Variants in TTI2 observed in about 807,000 individuals in gnomAD.
TTI2 encodes TELO2 interacting protein 2.
TTI2 carries 26 observed loss-of-function variants against 44.9 expected under a neutral mutation model. The observed-to-expected ratio is 0.58, with a 90% confidence interval of 0.42 to 0.80. The LOEUF (loss-of-function observed/expected upper bound fraction) is 0.80, where lower values mean the gene tolerates loss of function less well. TTI2 is among the 30% of genes least tolerant of loss of function. The pLI is 0.00. For missense variants in TTI2, 582 were observed against 611.6 expected (o/e 0.95, Z 0.51); for synonymous variants, 254 against 250.9 (o/e 1.01, Z -0.12).
chr8:33,504,087 CT>C, intron 4 of TTI2, 152 bp from the exon 5 acceptor site: 1 of 808,252 alleles, frequency 1.2e-6, no homozygotes, highest in Non-Finnish European at 2.0e-6. Flanking sequence ...CTGCACATTA[CT>C]TTACATTTTC....
chr8:33,512,734 CAGAG>C (rs200939948), intron 1 of TTI2, 22 bp from the exon 2 acceptor site: 85 of 1,184,268 alleles, frequency 7.2e-5, no homozygotes, highest in Non-Finnish European at 8.8e-5. Context: ...TAAAATAAAA[CAGAG>C]AGATGTCTTG....
Position 33,499,222 on chromosome 8 carries a change from A to G in TTI2, c.1478T>C (p.Ile493Thr). 6.2e-7 allele frequency: 1 copy of G among 1,614,022 alleles called. No homozygotes were observed. The highest frequency in any genetic ancestry group is 8.5e-7 in the Non-Finnish European group (1 of 1,180,008). ...TTCAGAAACCTGCTGCACTTTTCTG[A>G]TATAGTTCACCACTTTTCTGTCTTC... ...SCEDRKVVNY[I>T]RKVQQVSEGA... is the part of the protein sequence containing the mutation. The change falls in exon 8 of 8, where the codon ATC (isoleucine) becomes ACC (threonine). Residue 493 changes from isoleucine to threonine, a missense_variant. By Grantham distance (89) the Ile-to-Thr change is moderately conservative (BLOSUM62 -1). Transcript: ENST00000431156.
chr8:33,509,221 G>A (rs1809422168), intron 3 of TTI2, among the ~76,000 whole-genome samples: 1 of 151,650 alleles, frequency 6.6e-6, no homozygotes, highest in Non-Finnish European at 1.5e-5. Flanking sequence ...GGGAGGCTGA[G>A]GCTGAGGCAG....
intron 1 of TTI2, 165 bp from the exon 2 acceptor site, chr8:33,512,877 T>TAA (rs61291473): frequency 0.026 from 2,378 of 93,130 alleles, 90 homozygotes; most frequent in African/African-American, 0.087. Flanking sequence ...TCCGTCTCAG[T>TAA]AAAAAAAAAA....
At chr8:33,504,055 G>C (rs772912963) in intron 4 of TTI2, 120 bp from the exon 5 acceptor site, 1 of 1,014,924 alleles carries the variant, frequency 9.9e-7, no homozygotes, top group Non-Finnish European at 1.5e-6. Context: ...AGAATTCTAA[G>C]ATACTAGTAA....
At chr8:33,507,654 A>G (rs745413045) in intron 3 of TTI2, among the ~76,000 whole-genome samples, 1 of 151,850 alleles carries the variant, frequency 6.6e-6, no homozygotes, top group Non-Finnish European at 1.5e-5. Flanking sequence ...TCTTCCACCT[A>G]TCCATCCCCC....
chr8:33,507,101 C>T (rs537643216), intron 4 of TTI2, 128 bp downstream of exon 4: 11 of 813,570 alleles, frequency 1.4e-5, no homozygotes, highest in African/African-American at 6.8e-5. Context: ...AACTTGGCAA[C>T]GCTTTTAGTT....
At chr8:33,501,830 C>T (rs1809089116) in intron 6 of TTI2, among the ~76,000 whole-genome samples, 1 of 152,208 alleles carries the variant, frequency 6.6e-6, no homozygotes, top group African/African-American at 2.4e-5. Context: ...GCAAGAGATG[C>T]TTCTGCTGAC....
At chr8:33,499,459 C>G (rs1019051041) in intron 7 of TTI2, 182 bp from the exon 8 acceptor site, 22 of 554,440 alleles carry the variant, frequency 4.0e-5, no homozygotes, top group African/African-American at 3.8e-4. Flanking sequence ...TTATATAGCT[C>G]TCATGTATTG....
chr8:33,509,979 C>CAAAAA (rs10588315), intron 2 of TTI2, 47 bp from the exon 3 acceptor site: 338 of 418,066 alleles, frequency 8.1e-4, no homozygotes, highest in South Asian at 1.9e-3. Context: ...TGATAAGTAG[C>CAAAAA]AAAAAAAAAA....
At chr8:33,511,557 G>A (rs974976647) in intron 2 of TTI2, among the ~76,000 whole-genome samples, 2 of 152,064 alleles carry the variant, frequency 1.3e-5, no homozygotes, top group Admixed American at 6.6e-5. Context: ...TTTTACTGCT[G>A]AAGAAATTGA....
At position 33,509,068 on chromosome 8, in the gene TTI2, G is replaced by A. The variant is rs564435673; in HGVS notation, c.834+678C>T. On this transcript the variant is annotated intron_variant, in intron 3 of 7. Transcript: ENST00000431156. ...TGAGGCAAGAGAATCACTTGAACCC[G>A]GGAGGCAGAGGCTGCAGTGAGCCAA... Among the ~76,000 whole-genome samples the A allele has an allele frequency of 2.7e-5, 4 of 150,570 alleles. No individual in the cohort carries two copies. The East Asian group carries it at 5.8e-4, about 22-fold the overall frequency.
At chr8:33,509,190 C>A (rs370773873) in intron 3 of TTI2, among the ~76,000 whole-genome samples, 2 of 149,580 alleles carry the variant, frequency 1.3e-5, no homozygotes, top group East Asian at 3.9e-4. Flanking sequence ...CAGTGGCTCA[C>A]GCCTGTAATC....
Position 33,507,241 on chromosome 8 carries a change from G to A in TTI2, c.915C>T (p.His305=). ...ATCATACTATTACCTGAATGAGGTGGTGCTCTGGTGTGTACAGGTGGTTGG... is the reference window on the plus strand; with the variant it reads ...ATCATACTATTACCTGAATGAGGTGATGCTCTGGTGTGTACAGGTGGTTGG... ...AISNHLYTPE[H]HLIQAVLLCL... Residue 305 remains histidine, a synonymous_variant, in exon 4 of 8, where the codon CAC becomes CAT. Coordinates refer to ENST00000431156, the MANE Select transcript of TTI2 (RefSeq NM_001102401.4). 1 of 1,614,036 alleles carries A rather than the reference G, an allele frequency of 6.2e-7. No individual in the cohort carries two copies. Among genetic ancestry groups the A allele is most frequent in the Non-Finnish European group, 8.5e-7 (1 of 1,179,904 alleles).
chr8:33,504,827 G>A (rs1020451374), intron 4 of TTI2, among the ~76,000 whole-genome samples: 4 of 152,120 alleles, frequency 2.6e-5, no homozygotes, highest in Non-Finnish European at 5.9e-5. Context: ...TTCTCTTGGT[G>A]TTTTGGTTTT....
intron 2 of TTI2, 101 bp downstream of exon 2, chr8:33,511,866 G>T: frequency 2.2e-6 from 3 of 1,360,690 alleles, no homozygotes; most frequent in Non-Finnish European, 3.0e-6. Context: ...TCCACCCTGG[G>T]CAACAAGAGT....
intron 4 of TTI2, 86 bp downstream of exon 4, chr8:33,507,143 C>G (rs1563353762): frequency 1.7e-6 from 2 of 1,188,676 alleles, no homozygotes; most frequent in South Asian, 1.3e-5. Flanking sequence ...AGGAAAATGT[C>G]TCTCAATTAC....
Position 33,512,226 on chromosome 8 carries a change from C to G in TTI2, c.388G>C (p.Ala130Pro). 6.2e-7 allele frequency: 1 copy of G among 1,614,180 alleles called. No homozygotes were observed. The highest frequency in any genetic ancestry group is 8.5e-7 in the Non-Finnish European group (1 of 1,180,048). Residue 130 changes from alanine (A) to proline (P), a missense_variant, in exon 2 of 8, where the codon GCT becomes CCT. By Grantham distance (27) the Ala-to-Pro change is conservative (BLOSUM62 -1). Coordinates refer to ENST00000431156, the MANE Select transcript of TTI2 (RefSeq NM_001102401.4). Reference sequence around the variant, plus strand: ...GCAGGGCCGACCAGGGAATTCTTAGCAGTCTCAACTTTCCCTAACAGTTTA... The same window carrying G: ...GCAGGGCCGACCAGGGAATTCTTAGGAGTCTCAACTTTCCCTAACAGTTTA... ...FLKLLGKVETAKNSLVGPAWQ... is the reference protein window; with the variant it reads ...FLKLLGKVETPKNSLVGPAWQ...
At chr8:33,501,695 G>A (rs1284186625) in intron 6 of TTI2, among the ~76,000 whole-genome samples, 1 of 152,224 alleles carries the variant, frequency 6.6e-6, no homozygotes, top group Non-Finnish European at 1.5e-5. Context: ...GGGAAAGGTT[G>A]TCATGGGGAA....
Sources: gnomAD v4.1 joint callset for allele counts (sites outside exome capture counted in the v4.1 genomes callset) on GRCh38, gnomAD v4.1.1 for gene constraint, MANE v1.5 for transcripts, NCBI Gene and HGNC (gene_info 2026-07-23, HGNC 2026-07-21) for gene names.